The following ADGRL3 variants were observed in gnomAD, a reference collection of about 807,000 sequenced individuals.
ADGRL3 encodes calcium-independent alpha-latrotoxin receptor 3.
A neutral mutation model predicts 153.5 loss-of-function variants in ADGRL3; 62 were observed. That is an observed-to-expected ratio of 0.40 (90% CI 0.33 to 0.50). The LOEUF (loss-of-function observed/expected upper bound fraction) is 0.50, where lower values mean the gene tolerates loss of function less well. ADGRL3 is among the 20% of genes least tolerant of loss of function. The pLI is 0.47. For synonymous variants in ADGRL3, 710 were observed against 672.5 expected, an observed-to-expected ratio of 1.06 and a Z score of -0.86; for missense variants, 1,641 against 1,859.4, an observed-to-expected ratio of 0.88 and a Z score of 2.16.
At chr4:61,852,585 G>A (rs111936290) in intron 9 of ADGRL3, among the ~76,000 whole-genome samples, 10 of 152,274 alleles carry the variant, frequency 6.6e-5, no homozygotes, top group African/African-American at 2.2e-4. Context: ...AAAGTGTTGG[G>A]ATTACAGGTG....
At chr4:61,953,905 C>T (rs981373283) in intron 17 of ADGRL3, among the ~76,000 whole-genome samples, 1 of 152,198 alleles carries the variant, frequency 6.6e-6, no homozygotes, top group African/African-American at 2.4e-5. Flanking sequence ...TTTCCTTTCT[C>T]AGCAACTTGT....
At chr4:61,492,523 A>AT (rs1327471729) in intron 2 of ADGRL3, among the ~76,000 whole-genome samples, 1 of 152,154 alleles carries the variant, frequency 6.6e-6, no homozygotes, top group African/African-American at 2.4e-5. Flanking sequence ...GGAAGCTAAT[A>AT]TACGATAGAA....
chr4:61,544,389 T>A (rs764046276), intron 4 of ADGRL3, among the ~76,000 whole-genome samples: 29 of 152,352 alleles, frequency 1.9e-4, no homozygotes, highest in Non-Finnish European at 3.1e-4. Flanking sequence ...AAATTTATTC[T>A]TTATAGTCTT....
At chr4:61,451,548 G>A (rs942357051) in intron 2 of ADGRL3, among the ~76,000 whole-genome samples, 68 of 152,218 alleles carry the variant, frequency 4.5e-4, no homozygotes, top group African/African-American at 1.6e-3. Flanking sequence ...AAACTTCGGA[G>A]CAGTCAACAT....
intron 1 of ADGRL3, among the ~76,000 whole-genome samples, chr4:61,293,646 T>C (rs756514031): frequency 2.0e-5 from 3 of 152,178 alleles, no homozygotes; most frequent in Non-Finnish European, 4.4e-5. Flanking sequence ...CAGATGACAG[T>C]GTTTTGATTA....
intron 17 of ADGRL3, among the ~76,000 whole-genome samples, chr4:61,951,039 C>A (rs185173841): frequency 1.3e-5 from 2 of 152,264 alleles, no homozygotes; most frequent in East Asian, 3.9e-4. Context: ...CCATGAAGGG[C>A]ATAATATAAA....
At chr4:61,419,859 A>G (rs2097183483) in intron 2 of ADGRL3, among the ~76,000 whole-genome samples, 1 of 151,762 alleles carries the variant, frequency 6.6e-6, no homozygotes, top group South Asian at 2.1e-4. Flanking sequence ...CAATGGTGCA[A>G]TGTTGGCTCA....
intron 9 of ADGRL3, among the ~76,000 whole-genome samples, chr4:61,843,510 A>G (rs1438824003): frequency 2.6e-5 from 4 of 152,180 alleles, no homozygotes; most frequent in Non-Finnish European, 5.9e-5. Context: ...ACAATATGCA[A>G]GAGGAGCCAT....
In ADGRL3 at chr4:62,011,935, A is replaced by AT. The variant is rs967049847; in HGVS notation, c.3395+13679dup. ...TATAACAAAAACCAGCTAGGAATAC[A>AT]TTTTTTTTTCCTAACATAGCTTTCT... On this transcript the variant is annotated intron_variant, in intron 21 of 26. Transcript: ENST00000683033. Among the ~76,000 whole-genome samples, 26 of 151,246 alleles carry AT rather than the reference A, an allele frequency of 1.7e-4. 1 individual carries two copies. The highest frequency in any genetic ancestry group is 3.9e-4 in the African/African-American group (16 of 41,286).
intron 1 of ADGRL3, among the ~76,000 whole-genome samples, chr4:61,262,476 T>A (rs1470089483): frequency 6.6e-6 from 1 of 152,198 alleles, no homozygotes; most frequent in Admixed American, 6.5e-5. Context: ...TTTAAAAAAA[T>A]TGGGCAACAT....
intron 1 of ADGRL3, among the ~76,000 whole-genome samples, chr4:61,270,617 C>G (rs954958364): frequency 1.3e-5 from 2 of 151,606 alleles, no homozygotes; most frequent in Non-Finnish European, 1.5e-5. Flanking sequence ...TATAAAATGC[C>G]GAGGCAGGAA....
intron 8 of ADGRL3, among the ~76,000 whole-genome samples, chr4:61,745,914 C>T (rs530475817): frequency 2.1e-4 from 32 of 152,064 alleles, no homozygotes; most frequent in Non-Finnish European, 4.1e-4. Flanking sequence ...CACAGACTGG[C>T]AAATTGGATA....
At chr4:61,353,026 C>T (rs1275085357) in intron 1 of ADGRL3, among the ~76,000 whole-genome samples, 1 of 152,060 alleles carries the variant, frequency 6.6e-6, no homozygotes, top group Non-Finnish European at 1.5e-5. Flanking sequence ...TTCGAAAATC[C>T]TATGAAAGGG....
intron 3 of ADGRL3, among the ~76,000 whole-genome samples, chr4:61,499,470 A>G (rs909318560): frequency 8.5e-5 from 13 of 152,214 alleles, no homozygotes; most frequent in African/African-American, 2.9e-4. Context: ...AATTATCCAT[A>G]TATGTAAAGA....
At chr4:61,263,901 T>TC (rs918736717) in intron 1 of ADGRL3, among the ~76,000 whole-genome samples, 31 of 152,102 alleles carry the variant, frequency 2.0e-4, no homozygotes, top group African/African-American at 7.0e-4. Flanking sequence ...AGGGTAGTTT[T>TC]TTTTTTTCAT....
At chr4:62,020,538 TACTG>T (rs887581433) in intron 21 of ADGRL3, among the ~76,000 whole-genome samples, 1 of 152,190 alleles carries the variant, frequency 6.6e-6, no homozygotes, top group African/African-American at 2.4e-5. Context: ...CTTGAAGTGT[TACTG>T]ACTAAAGTAA....
chr4:61,262,228 C>T (rs2092573794), intron 1 of ADGRL3, among the ~76,000 whole-genome samples: 2 of 152,068 alleles, frequency 1.3e-5, no homozygotes, highest in Non-Finnish European at 1.5e-5. Flanking sequence ...AATTATAATA[C>T]ATTCTTTTTA....
chr4:61,392,029 T>G (rs1363240901), intron 2 of ADGRL3, among the ~76,000 whole-genome samples: 1 of 146,760 alleles, frequency 6.8e-6, no homozygotes, highest in African/African-American at 2.5e-5. Context: ...CCGGCTAATT[T>G]TTTTTTTTTT....
chr4:61,774,372 G>GAA (rs1207331360), intron 8 of ADGRL3, among the ~76,000 whole-genome samples: 1 of 128,106 alleles, frequency 7.8e-6, no homozygotes, highest in African/African-American at 2.9e-5. Flanking sequence ...AAAAAAAAAA[G>GAA]AAAGAAAAAG....
Sources: gnomAD v4.1 joint callset for allele counts (sites outside exome capture counted in the v4.1 genomes callset) on GRCh38, gnomAD v4.1.1 for gene constraint, MANE v1.5 for transcripts, NCBI Gene and HGNC (gene_info 2026-07-23, HGNC 2026-07-21) for gene names.